Variants in USP33 observed in about 807,000 individuals in gnomAD.
The protein encoded by USP33 is ubiquitin carboxyl-terminal hydrolase 33.
USP33 carries 46 observed loss-of-function variants against 124.2 expected under a neutral mutation model. That is an observed-to-expected ratio of 0.37 (90% confidence interval 0.29 to 0.47). USP33 has a LOEUF of 0.47. USP33 is among the 20% of genes least tolerant of loss of function. The pLI, the probability that USP33 is intolerant of heterozygous loss-of-function variation, is 0.99. For missense variants in USP33, 851 were observed against 1,070.6 expected, an observed-to-expected ratio of 0.79 and a Z score of 2.86; for synonymous variants, 350 against 352.3, an observed-to-expected ratio of 0.99 and a Z score of 0.07.
chr1:77,721,290 TG>T, intron 14 of USP33, 85 bp from the exon 15 acceptor site: 1 of 1,448,788 alleles, frequency 6.9e-7, no homozygotes, highest in Non-Finnish European at 9.7e-7. Context: ...TTTTGCCCCA[TG>T]CTGACCTCCC....
intron 1 of USP33, among the ~76,000 whole-genome samples, chr1:77,753,430 C>CA (rs140754206): frequency 0.026 from 3,594 of 136,872 alleles, 64 homozygotes; most frequent in Middle Eastern, 0.1. Context: ...CCCATCTTTA[C>CA]AAAAAAAAAA....
intron 5 of USP33, among the ~76,000 whole-genome samples, chr1:77,737,560 A>T (rs1012370895): frequency 6.6e-6 from 1 of 152,218 alleles, no homozygotes; most frequent in Non-Finnish European, 1.5e-5. Context: ...TAAGTTTTGG[A>T]CCACTAAAGA....
At chr1:77,710,114 C>A (rs1313809341) in intron 21 of USP33, among the ~76,000 whole-genome samples, 3 of 152,210 alleles carry the variant, frequency 2.0e-5, no homozygotes, top group African/African-American at 7.2e-5. Flanking sequence ...ACTACCACCA[C>A]TATGCTGTAC....
At chr1:77,708,540 T>C (rs1196405380) in intron 21 of USP33, among the ~76,000 whole-genome samples, 1 of 152,240 alleles carries the variant, frequency 6.6e-6, no homozygotes, top group African/African-American at 2.4e-5. Flanking sequence ...AGCACTGCCA[T>C]AGGCAGACAG....
intron 15 of USP33, among the ~76,000 whole-genome samples, chr1:77,719,828 TG>T (rs1676349982): frequency 7.4e-6 from 1 of 135,216 alleles, no homozygotes; most frequent in South Asian, 2.4e-4. Context: ...CACTCCAGCC[TG>T]GGCGACAGAG....
chr1:77,714,826 T>A, intron 18 of USP33, 43 bp from the exon 19 acceptor site: 1 of 1,587,332 alleles, frequency 6.3e-7, no homozygotes, highest in Non-Finnish European at 8.6e-7. Flanking sequence ...TGCATTTTAC[T>A]ACATTACTAG....
intron 17 of USP33, among the ~76,000 whole-genome samples, chr1:77,716,815 C>T (rs551881177): frequency 2.9e-4 from 44 of 152,198 alleles, no homozygotes; most frequent in Non-Finnish European, 5.9e-4. Context: ...TTCCCACCAG[C>T]CTGACTGCGC....
chr1:77,740,999 A>T, intron 3 of USP33, 60 bp from the exon 4 acceptor site: 1 of 1,119,868 alleles, frequency 8.9e-7, no homozygotes. Flanking sequence ...GTAAATTTAT[A>T]ACAGCATTAC....
chr1:77,748,039 C>T (rs1679910403), intron 1 of USP33, among the ~76,000 whole-genome samples: 1 of 152,158 alleles, frequency 6.6e-6, no homozygotes, highest in Non-Finnish European at 1.5e-5. Flanking sequence ...CCTCACTAAT[C>T]CTTTTCATGG....
At chr1:77,752,690 A>C (rs1299873526) in intron 1 of USP33, among the ~76,000 whole-genome samples, 2 of 152,252 alleles carry the variant, frequency 1.3e-5, no homozygotes, top group Non-Finnish European at 2.9e-5. Context: ...TTTTAACAAT[A>C]ACCTGGATAA....
chr1:77,721,444 C>A lies in USP33; in HGVS notation c.1658-239G>T, dbSNP rs771920699. 2.5e-5 allele frequency: 14 copies of A among 567,228 alleles called. No homozygotes were observed. In the Admixed American group the frequency reaches 3.0e-4, roughly 12 times the overall value. The allele number at this position is 567,228 out of a possible 1,614,324, so 35.1% of individuals were successfully genotyped here. A position where few individuals can be genotyped will look rare whatever the true frequency, so the allele number is the denominator to read the frequency against. On this transcript the variant is annotated intron_variant, in intron 14 of 23. Transcript: ENST00000370794. Reference sequence around the variant, plus strand: ...CCATTTATTCATTGAACAAAACTTACTGACTGCCTGTCATATGTCCAAGCA... The same window carrying A: ...CCATTTATTCATTGAACAAAACTTAATGACTGCCTGTCATATGTCCAAGCA...
Position 77,741,630 on chromosome 1 carries a change from A to G in USP33, c.68T>C (p.Ile23Thr), listed in dbSNP as rs543235569. Residue 23 changes from isoleucine to threonine, a missense_variant, in exon 2 of 24, where the codon ATA becomes ACA. Ile to Thr is a moderately conservative substitution (Grantham distance 89). Coordinates refer to ENST00000370794, the MANE Select transcript of USP33 (RefSeq NM_201624.3). Reference protein sequence around the residue: ...SVGEITKEDLIQKSLGTCQDC... With the variant: ...SVGEITKEDLTQKSLGTCQDC... ...CCTGTTTCTTACAAGGGATTTTTGT[A>G]TCAAATCTTCTTTTGTTATTTCACC... is the stretch of plus-strand genomic sequence containing the variant. 1.9e-6 allele frequency: 3 copies of G among 1,589,060 alleles called. No individual in the cohort carries two copies. Among genetic ancestry groups the G allele is most frequent in the South Asian group, 2.3e-5 (2 of 85,318 alleles).
chr1:77,713,408 G>T (rs1675495763), intron 19 of USP33, 127 bp from the exon 20 acceptor site: 1 of 745,440 alleles, frequency 1.3e-6, no homozygotes. Flanking sequence ...AAGTGGAAGG[G>T]TCTTGTTCTG....
intron 4 of USP33, 124 bp from the exon 5 acceptor site, chr1:77,739,541 A>G (rs1678881024): frequency 2.2e-6 from 2 of 892,454 alleles, no homozygotes; most frequent in East Asian, 3.0e-5. Flanking sequence ...CTCAAAAGCT[A>G]ATTTAGAACA....
chr1:77,748,783 C>CG (rs1553201484), intron 1 of USP33, among the ~76,000 whole-genome samples: 3 of 84,110 alleles, frequency 3.6e-5, no homozygotes, highest in Admixed American at 2.2e-4. Context: ...CTTCCCTCCC[C>CG]CCCCCCCCCG....
intron 22 of USP33, among the ~76,000 whole-genome samples, chr1:77,698,881 A>G (rs1297418830): frequency 6.6e-6 from 1 of 152,224 alleles, no homozygotes; most frequent in East Asian, 1.9e-4. Context: ...ATTCCTTTGT[A>G]ATTTGAAAGA....
intron 14 of USP33, 87 bp from the exon 15 acceptor site, chr1:77,721,292 C>T: frequency 7.0e-7 from 1 of 1,431,952 alleles, no homozygotes; most frequent in Non-Finnish European, 9.8e-7. Context: ...TTGCCCCATG[C>T]TGACCTCCCA....
intron 1 of USP33, among the ~76,000 whole-genome samples, chr1:77,753,356 G>A (rs577078085): frequency 6.6e-6 from 1 of 152,122 alleles, no homozygotes; most frequent in Non-Finnish European, 1.5e-5. Context: ...GGGAGGCAGG[G>A]GCATGAGGAT....
intron 14 of USP33, 185 bp from the exon 15 acceptor site, chr1:77,721,390 T>C (rs1676544491): frequency 3.3e-6 from 2 of 613,322 alleles, no homozygotes; most frequent in African/African-American, 1.9e-5. Context: ...CCTGCCAACA[T>C]TGAAGACCTA....
Sources: allele counts gnomAD v4.1 joint callset (sites outside exome capture counted in the v4.1 genomes callset), GRCh38; gene constraint gnomAD v4.1.1; transcripts MANE v1.5; gene names NCBI Gene and HGNC (gene_info 2026-07-23, HGNC 2026-07-21).